SHKBP1: variants seen among roughly 807,000 people sequenced by gnomAD.
The protein encoded by SHKBP1 is SH3KBP1-binding protein 1.
In SHKBP1, 71 loss-of-function variants were observed where a neutral mutation model predicts 83.9. That is an observed-to-expected ratio of 0.85 (90% confidence interval 0.70 to 1.03). The LOEUF is 1.03. Among genes scored for constraint, SHKBP1 ranks in the 50% least tolerant of loss-of-function variants. SHKBP1 has a pLI of 0.00. For synonymous variants in SHKBP1, 371 were observed against 398.0 expected (o/e 0.93, Z 0.81); for missense variants, 824 against 982.4 (o/e 0.84, Z 2.16).
intron 1 of SHKBP1, 50 bp downstream of exon 1, chr19:40,577,035 G>A (rs922251522): frequency 2.2e-6 from 3 of 1,367,488 alleles, no homozygotes; most frequent in Non-Finnish European, 2.0e-6. Context: ...GGGAAGCGGG[G>A]TGGGAGTATC....
At chr19:40,582,105 A>G (rs1290835496) in intron 9 of SHKBP1, among the ~76,000 whole-genome samples, 20 of 152,086 alleles carry the variant, frequency 1.3e-4, no homozygotes, top group Admixed American at 1.3e-3. Flanking sequence ...ATTTTTTAGT[A>G]GAGATGGAGT....
intron 10 of SHKBP1, 94 bp downstream of exon 10, chr19:40,582,560 CT>C: frequency 9.4e-7 from 1 of 1,068,874 alleles, no homozygotes; most frequent in Non-Finnish European, 1.4e-6. Context: ...CCCCCACCCC[CT>C]AAGCCTGGAG....
At chr19:40,583,241 C>A (rs2081284347) in intron 10 of SHKBP1, among the ~76,000 whole-genome samples, 157 bp from the exon 11 acceptor site, 1 of 151,684 alleles carries the variant, frequency 6.6e-6, no homozygotes, top group South Asian at 2.1e-4. Flanking sequence ...AGGGAGGGAA[C>A]AAGACAGGGA....
chr19:40,589,059 A>ACCCCTG, intron 14 of SHKBP1, 23 bp from the exon 15 acceptor site: 3 of 1,605,818 alleles, frequency 1.9e-6, no homozygotes, highest in Non-Finnish European at 1.7e-6. Flanking sequence ...GCTGGCCCTG[A>ACCCCTG]CCCCTGCCCC....
Position 40,590,957 on chromosome 19 carries a change from A to G in SHKBP1, c.1893-19A>G. On this transcript the variant is annotated intron_variant, in intron 17 of 17. Transcript: ENST00000291842. The surrounding 1 kb of genome is among the most constrained non-coding windows in gnomAD (Gnocchi z 4.6). ...AGCTGCCCCGTGATGACGTGCACTTACTGTCCTTACTTCCTCAGCCTCCAC... is the reference window on the plus strand; with the variant it reads ...AGCTGCCCCGTGATGACGTGCACTTGCTGTCCTTACTTCCTCAGCCTCCAC... 5 of 1,591,236 alleles carry G rather than the reference A, an allele frequency of 3.1e-6. No homozygotes were observed. The highest frequency in any genetic ancestry group is 4.3e-6 in the Non-Finnish European group (5 of 1,162,914).
intron 14 of SHKBP1, 40 bp from the exon 15 acceptor site, chr19:40,589,041 GA>G: frequency 1.3e-6 from 2 of 1,581,954 alleles, no homozygotes; most frequent in South Asian, 2.2e-5. Flanking sequence ...GAGGCTGAGG[GA>G]ATCCCAGCTG....
In SHKBP1 at chr19:40,591,321, T is replaced by C. The variant is rs2081359093; in HGVS notation, c.*114T>C. 2 of 896,084 alleles carry C rather than the reference T, an allele frequency of 2.2e-6. No individual in the cohort carries two copies. Among genetic ancestry groups the C allele is most frequent in the Non-Finnish European group, 3.3e-6 (2 of 610,214 alleles). 55.5% of individuals were successfully genotyped at this position (896,084 alleles called of 1,614,324 possible). A position where few individuals can be genotyped will look rare whatever the true frequency, so the allele number is the denominator to read the frequency against. ...GCCAGGGCCTCCTTGGAATAAATGGTTATTGTTACTAGGTCCCCACCTTCC... is the reference window on the plus strand; with the variant it reads ...GCCAGGGCCTCCTTGGAATAAATGGCTATTGTTACTAGGTCCCCACCTTCC... On this transcript the variant is annotated 3_prime_UTR_variant, in exon 18 of 18. Coordinates refer to ENST00000291842, the MANE Select transcript of SHKBP1 (RefSeq NM_138392.4).
intron 10 of SHKBP1, 149 bp downstream of exon 10, chr19:40,582,615 T>G (rs2081279100): frequency 1.5e-6 from 1 of 645,466 alleles, no homozygotes; most frequent in Non-Finnish European, 2.6e-6. Context: ...GGGATGTCTG[T>G]GATAAAGGCC....
chr19:40,577,760 G>T (rs1391265835), intron 4 of SHKBP1, 130 bp downstream of exon 4: 1 of 1,196,552 alleles, frequency 8.4e-7, no homozygotes, highest in African/African-American at 1.5e-5. Context: ...TCACAGGCCG[G>T]GCGCGCCGGG....
Position 40,590,487 on chromosome 19 carries a change from T to G in SHKBP1, c.1768+65T>G. Reference sequence around the variant, plus strand: ...AGCCTCACCCAGAACCACTCTCCACTGCCAACTGCTTGATCTCTCTCCCAG... The same window carrying G: ...AGCCTCACCCAGAACCACTCTCCACGGCCAACTGCTTGATCTCTCTCCCAG... On this transcript the variant is annotated intron_variant, in intron 16 of 17. Transcript: ENST00000291842. The surrounding 1 kb of genome is among the most constrained non-coding windows in gnomAD (Gnocchi z 4.6). 1.3e-6 allele frequency: 2 copies of G among 1,508,140 alleles called. No individual in the cohort carries two copies. Among genetic ancestry groups the G allele is most frequent in the Non-Finnish European group, 1.8e-6 (2 of 1,114,300 alleles). The allele number at this position is 1,508,140 out of a possible 1,614,324, so 93.4% of individuals were successfully genotyped here.
chr19:40,588,852 C>A, intron 14 of SHKBP1, 73 bp downstream of exon 14: 1 of 1,554,710 alleles, frequency 6.4e-7, no homozygotes, highest in Non-Finnish European at 8.7e-7. Context: ...CGCTGATTCC[C>A]ACTTGCGGCC....
rs547534570 is a variant in SHKBP1 at position 40,587,630 on chromosome 19, G to A, written c.1336+686G>A. 1.1e-3 allele frequency among the ~76,000 whole-genome samples: 174 copies of A among 152,200 alleles called. 1 individual carries two copies. The highest frequency in any genetic ancestry group is 3.4e-3 in the Middle Eastern group (1 of 294). On this transcript the variant is annotated intron_variant, in intron 13 of 17. Coordinates refer to ENST00000291842, the MANE Select transcript of SHKBP1 (RefSeq NM_138392.4). ...AAAAATGCAAATCAGGCTGGGCACT[G>A]TGGCTCATGCCTATAATCCCAGCAC...
rs144690869 is a variant in SHKBP1 at position 40,586,738 on chromosome 19, G to A, written c.1166-36G>A. Reference sequence around the variant, plus strand: ...CCCTGCCCTGGTTTCTGTCTCTGTGGCCCAGGCCCTCTCCTCATCCTTGGC... The same window carrying A: ...CCCTGCCCTGGTTTCTGTCTCTGTGACCCAGGCCCTCTCCTCATCCTTGGC... On this transcript the variant is annotated intron_variant, in intron 12 of 17. Transcript: ENST00000291842. The A allele has an allele frequency of 3.2e-4, 479 of 1,493,052 alleles. 3 individuals carry two copies. In the South Asian group the frequency reaches 4.5e-3, roughly 14 times the overall value. The allele number at this position is 1,493,052 out of a possible 1,614,324, so 92.5% of individuals were successfully genotyped here. A position where few individuals can be genotyped will look rare whatever the true frequency, so the allele number is the denominator to read the frequency against.
Position 40,586,805 on chromosome 19 carries a change from T to C in SHKBP1, c.1197T>C (p.Tyr399=). The C allele has an allele frequency of 6.2e-7, 1 of 1,603,168 alleles. No individual in the cohort carries two copies. The highest frequency in any genetic ancestry group is 8.5e-7 in the Non-Finnish European group (1 of 1,172,934). Residue 399 remains tyrosine (Y), a synonymous_variant, in exon 13 of 18, where the codon TAT becomes TAC. Transcript: ENST00000291842. ...GTGGGAACTGGATCGAGATCGCCTA[T>C]GGCACCAGCTCAGGGGGCGTGCGGG... ...SDSGNWIEIA[Y]GTSSGGVRVI...
Position 40,576,932 on chromosome 19 carries a change from C to A in SHKBP1, c.33C>A (p.Val11=). The change falls in exon 1 of 18, where the codon GTC becomes GTA. Residue 11 remains valine, a synonymous_variant. Transcript: ENST00000291842. The part of the protein sequence containing the change: MAAAATAAEG[V]PSRGPPGEVI... ...CAGCGGCTACTGCAGCCGAGGGGGT[C>A]CCCAGTCGGGGGCCTCCCGGGGAAG... 1.3e-6 allele frequency: 2 copies of A among 1,489,110 alleles called. No individual in the cohort carries two copies. The highest frequency in any genetic ancestry group is 1.8e-6 in the Non-Finnish European group (2 of 1,124,116). 92.2% of individuals were successfully genotyped at this position (1,489,110 alleles called of 1,614,324 possible).
At chr19:40,586,590 C>A in intron 12 of SHKBP1, 184 bp from the exon 13 acceptor site, 1 of 466,670 alleles carries the variant, frequency 2.1e-6, no homozygotes, top group Non-Finnish European at 3.6e-6. Context: ...TGGTCTTGAA[C>A]GCCTGACCTC....
In SHKBP1 at chr19:40,590,328, T is replaced by TCGGCCCC; in HGVS notation, c.1675_1681dup (p.Arg561ProfsTer48). 1 of 1,610,782 alleles carries TCGGCCCC rather than the reference T, an allele frequency of 6.2e-7. No homozygotes were observed. Among genetic ancestry groups the TCGGCCCC allele is most frequent in the South Asian group, 1.1e-5 (1 of 90,646 alleles). On this transcript the variant is annotated frameshift_variant, in exon 16 of 18. Transcript: ENST00000291842. LOFTEE classifies it high-confidence loss of function. This position sits in a 1 kb window ranked among gnomAD's most constrained non-coding sequence, Gnocchi z 4.6. ...GCGAGGGCTCCCGGCGGCTCGGCTCTCGGCCCCGGCGCTACCTGCTCACTG... is the reference window on the plus strand; with the variant it reads ...GCGAGGGCTCCCGGCGGCTCGGCTCTCGGCCCCCGGCCCCGGCGCTACCTGCTCACTG...
intron 13 of SHKBP1, among the ~76,000 whole-genome samples, chr19:40,587,727 A>G (rs1410137948): frequency 6.6e-6 from 1 of 152,130 alleles, no homozygotes; most frequent in Non-Finnish European, 1.5e-5. Flanking sequence ...AAAGTGAGAC[A>G]TTGTTTCTAC....
Position 40,580,936 on chromosome 19 carries a change from G to A in SHKBP1, c.844G>A (p.Gly282Arg), listed in dbSNP as rs1171335240. ...GGCGGAAGGCGGTGGCTCCGAGATA[G>A]GTATGACCCCAAGCCTTTTCCAGAA... ...LQAEGGGSEIGVFHLGVPVEA... is the reference protein window; with the variant it reads ...LQAEGGGSEIRVFHLGVPVEA... The change falls in exon 9 of 18, where the codon GGG (glycine) becomes AGG (arginine). Residue 282 changes from glycine to arginine, a missense_variant and splice_region_variant. Gly to Arg is a moderately radical substitution (Grantham distance 125). Coordinates refer to ENST00000291842, the MANE Select transcript of SHKBP1 (RefSeq NM_138392.4). The A allele has an allele frequency of 2.6e-6, 4 of 1,546,914 alleles. No individual in the cohort carries two copies. The highest frequency in any genetic ancestry group is 3.5e-6 in the Non-Finnish European group (4 of 1,146,080).
Sources: allele counts gnomAD v4.1 joint callset (sites outside exome capture counted in the v4.1 genomes callset), GRCh38; gene constraint gnomAD v4.1.1; non-coding constraint Gnocchi (gnomAD v3.1); transcripts MANE v1.5; gene names NCBI Gene and HGNC (gene_info 2026-07-23, HGNC 2026-07-21).